GAS2L3: variants seen among roughly 807,000 people sequenced by gnomAD.
The protein encoded by GAS2L3 is GAS2-like protein 3.
In GAS2L3, 28 loss-of-function variants were observed where a neutral mutation model predicts 37.0. That is an observed-to-expected ratio of 0.76 (90% CI 0.56 to 1.04). The LOEUF (loss-of-function observed/expected upper bound fraction) is 1.04. Ranked by LOEUF, GAS2L3 falls within the 50% of genes least tolerant of loss-of-function variation. GAS2L3 has a pLI of 0.00. For synonymous variants in GAS2L3, 290 were observed against 296.6 expected, an observed-to-expected ratio of 0.98 and a Z score of 0.23; for missense variants, 793 against 817.6, an observed-to-expected ratio of 0.97 and a Z score of 0.37.
rs750195901 is a variant in GAS2L3 at position 100,624,375 on chromosome 12, A to G, written c.1570A>G (p.Thr524Ala). 1.4e-5 allele frequency: 23 copies of G among 1,613,822 alleles called. No homozygotes were observed. In the African/African-American group the frequency reaches 2.3e-4, roughly 16 times the overall value. Residue 524 changes from threonine to alanine, a missense_variant, in exon 10 of 10, where the codon ACC becomes GCC. Coordinates refer to ENST00000547754, the MANE Select transcript of GAS2L3 (RefSeq NM_174942.3). ...CCAGTCCTCTGCAAAAATGACAAAAACCAGTTCCAAAACCATAGCCACGGG... is the reference window on the plus strand; with the variant it reads ...CCAGTCCTCTGCAAAAATGACAAAAGCCAGTTCCAAAACCATAGCCACGGG... ...SFQSSAKMTKTSSKTIATGLG... is the reference protein window; with the variant it reads ...SFQSSAKMTKASSKTIATGLG...
rs79681466 is a variant in GAS2L3, at chr12:100,612,361, A to C, written c.445+220A>C. 1.4e-3 allele frequency: 618 copies of C among 449,490 alleles called. 6 individuals are homozygous for C. The highest frequency in any genetic ancestry group is 0.012 in the African/African-American group (558 of 48,400). The allele number at this position is 449,490 out of a possible 1,614,324, so 27.8% of individuals were successfully genotyped here. A position where few individuals can be genotyped will look rare whatever the true frequency, so the allele number is the denominator to read the frequency against. On this transcript the variant is annotated intron_variant, in intron 6 of 9. Transcript: ENST00000547754. ...GATTTTATGTGTCTAGAATGTCCTA[A>C]AATTCTGAATTCCTAAATGAGTTGG... is the stretch of plus-strand genomic sequence containing the variant.
Position 100,627,992 on chromosome 12 carries a change from G to A in GAS2L3, c.*3102G>A, listed in dbSNP as rs1956348103. On this transcript the variant is annotated 3_prime_UTR_variant, in exon 10 of 10. Transcript: ENST00000547754. The stretch of plus-strand genomic sequence containing the variant: ...AGGTTTATGTGTTCAAAATGCCTTG[G>A]TAAATTGGATGACCTCTAACTTTAC... 1.3e-5 allele frequency: 2 copies of A among 152,120 alleles called. No homozygotes were observed. Among genetic ancestry groups the A allele is most frequent in the Non-Finnish European group, 2.9e-5 (2 of 68,024 alleles). The allele number at this position is 152,120 out of a possible 1,614,324, so 9.4% of individuals were successfully genotyped here.
In GAS2L3 at chr12:100,624,231, C is replaced by T; in HGVS notation, c.1426C>T (p.His476Tyr). 1 of 1,613,934 alleles carries T rather than the reference C, an allele frequency of 6.2e-7. No individual in the cohort carries two copies. Among genetic ancestry groups the T allele is most frequent in the Non-Finnish European group, 8.5e-7 (1 of 1,179,916 alleles). The stretch of plus-strand genomic sequence containing the variant: ...AAAAACTCAACCTAAGTATTTGAAA[C>T]ATAATCATATTTCTTCCAGAGATAA... The part of the protein sequence containing the change: ...SGKTQPKYLK[H>Y]NHISSRDNAV... Residue 476 changes from histidine to tyrosine, a missense_variant, in exon 10 of 10, where the codon CAT (histidine) becomes TAT (tyrosine). His to Tyr is a moderately conservative substitution (Grantham distance 83). Coordinates refer to ENST00000547754, the MANE Select transcript of GAS2L3 (RefSeq NM_174942.3).
At chr12:100,579,946 C>T (rs1955689075) in intron 1 of GAS2L3, 2 of 782,396 alleles carry the variant, frequency 2.6e-6, no homozygotes, top group East Asian at 2.4e-5. Flanking sequence ...GACCAAGTAT[C>T]AGTGGAATCT....
intron 5 of GAS2L3, among the ~76,000 whole-genome samples, chr12:100,602,580 A>G (rs1477872274): frequency 6.6e-6 from 1 of 152,032 alleles, no homozygotes; most frequent in African/African-American, 2.4e-5. Context: ...GCAATAAGTA[A>G]TAATCACATC....
In GAS2L3 at chr12:100,624,632, C is replaced by G. The variant is rs752699193; in HGVS notation, c.1827C>G (p.Gly609=). Residue 609 remains glycine, a synonymous_variant, in exon 10 of 10, where the codon GGC becomes GGG. Transcript: ENST00000547754. The part of the protein sequence containing the change: ...KTGPSSLKSP[G]RTPLSIVSLP... ...GACCCAGCTCCTTGAAGTCTCCTGG[C>G]CGTACCCCACTGTCCATCGTGAGCC... 6.2e-7 allele frequency: 1 copy of G among 1,614,064 alleles called. No homozygotes were observed. Among genetic ancestry groups the G allele is most frequent in the South Asian group, 1.1e-5 (1 of 91,078 alleles).
chr12:100,590,449 A>G (rs532183412), intron 1 of GAS2L3, among the ~76,000 whole-genome samples: 2 of 152,242 alleles, frequency 1.3e-5, no homozygotes, highest in Non-Finnish European at 2.9e-5. Context: ...TGAACAAGGA[A>G]CACTTCTACA....
At chr12:100,588,185 T>A (rs775722224) in intron 1 of GAS2L3, among the ~76,000 whole-genome samples, 1 of 152,218 alleles carries the variant, frequency 6.6e-6, no homozygotes, top group Non-Finnish European at 1.5e-5. Flanking sequence ...TTAGAACAGA[T>A]AAAATATTGG....
rs1433398180 is a variant in GAS2L3 at position 100,625,697 on chromosome 12, A to C, written c.*807A>C. 6.6e-6 allele frequency: 1 copy of C among 152,216 alleles called. No homozygotes were observed. Among genetic ancestry groups the C allele is most frequent in the Non-Finnish European group, 1.5e-5 (1 of 68,020 alleles). 9.4% of individuals were successfully genotyped at this position (152,216 alleles called of 1,614,324 possible). ...AAGCTGATTTAGTAGCTTTTAGCAT[A>C]TTAAAAATAATTTTTTATAATGTAA... On this transcript the variant is annotated 3_prime_UTR_variant, in exon 10 of 10. Transcript: ENST00000547754.
Position 100,624,126 on chromosome 12 carries a change from AC to A in GAS2L3, c.1326del (p.Lys443ArgfsTer32), listed in dbSNP as rs1413497735. ...GAGAAAATGTATTTCATCCCCCAAT[AC>A]CCCCAAGGCCAAGGTTATTCCAGCC... ...SPRKCISSPN[T>X]PKAKVIPAQN... On this transcript the variant is annotated frameshift_variant, in exon 10 of 10. Transcript: ENST00000547754. LOFTEE classifies it low-confidence loss of function (END_TRUNC). 1 of 1,613,078 alleles carries A rather than the reference AC, an allele frequency of 6.2e-7. No homozygotes were observed. Among genetic ancestry groups the A allele is most frequent in the Admixed American group, 1.7e-5 (1 of 59,850 alleles).
chr12:100,582,434 G>A (rs1436394568), intron 1 of GAS2L3, among the ~76,000 whole-genome samples: 1 of 152,212 alleles, frequency 6.6e-6, no homozygotes, highest in African/African-American at 2.4e-5. Flanking sequence ...GGGGATATGT[G>A]ATGGCTTAGC....
intron 1 of GAS2L3, among the ~76,000 whole-genome samples, chr12:100,578,012 A>G (rs1490150556): frequency 6.6e-6 from 1 of 152,224 alleles, no homozygotes; most frequent in African/African-American, 2.4e-5. Context: ...ACACTGGGCA[A>G]CCATTAAGGG....
intron 1 of GAS2L3, among the ~76,000 whole-genome samples, chr12:100,586,381 C>G (rs1955781474): frequency 6.6e-6 from 1 of 152,188 alleles, no homozygotes; most frequent in African/African-American, 2.4e-5. Context: ...ATCAAGCACT[C>G]TCTCAGACCA....
intron 1 of GAS2L3, among the ~76,000 whole-genome samples, chr12:100,577,130 G>A (rs1267708387): frequency 2.0e-5 from 3 of 152,104 alleles, no homozygotes; most frequent in Non-Finnish European, 2.9e-5. Flanking sequence ...TACATATACT[G>A]TTCTACAGGT....
rs1432534556 is a variant in GAS2L3 at position 100,628,011 on chromosome 12, A to C, written c.*3121A>C. On this transcript the variant is annotated 3_prime_UTR_variant, in exon 10 of 10. Coordinates refer to ENST00000547754, the MANE Select transcript of GAS2L3 (RefSeq NM_174942.3). Reference sequence around the variant, plus strand: ...GCCTTGGTAAATTGGATGACCTCTAACTTTACTGTCCATATGGAGTTTGTC... The same window carrying C: ...GCCTTGGTAAATTGGATGACCTCTACCTTTACTGTCCATATGGAGTTTGTC... The C allele has an allele frequency of 6.6e-6, 1 of 152,160 alleles. No homozygotes were observed. Among genetic ancestry groups the C allele is most frequent in the East Asian group, 1.9e-4 (1 of 5,192 alleles). The allele number at this position is 152,160 out of a possible 1,614,324, so 9.4% of individuals were successfully genotyped here.
intron 2 of GAS2L3, chr12:100,594,053 G>A (rs918249069): frequency 3.8e-4 from 57 of 151,886 alleles, no homozygotes; most frequent in African/African-American, 1.4e-3. Context: ...GAAAGTAATA[G>A]CATTATAGCT....
chr12:100,599,919 A>G (rs188851700), intron 3 of GAS2L3, among the ~76,000 whole-genome samples: 9 of 152,186 alleles, frequency 5.9e-5, no homozygotes, highest in African/African-American at 2.2e-4. Flanking sequence ...TGACCACAGT[A>G]TTGAATATTG....
Position 100,600,468 on chromosome 12 carries a change from C to CGAT in GAS2L3, c.108_110dup (p.Asp36dup). The CGAT allele has an allele frequency of 1.2e-6, 2 of 1,612,822 alleles. No homozygotes were observed. Among genetic ancestry groups the CGAT allele is most frequent in the Non-Finnish European group, 1.7e-6 (2 of 1,179,038 alleles). On this transcript the variant is annotated inframe_insertion, in exon 4 of 10. Coordinates refer to ENST00000547754, the MANE Select transcript of GAS2L3 (RefSeq NM_174942.3). ...CAGGATTGGCTAATGTTTGTCAGTA[C>CGAT]GATGAGTGGATAGCTGTGAGGCATG...
At chr12:100,591,397 A>G (rs1002801975) in intron 1 of GAS2L3, among the ~76,000 whole-genome samples, 2 of 152,220 alleles carry the variant, frequency 1.3e-5, no homozygotes, top group African/African-American at 4.8e-5. Context: ...TATTTATTCT[A>G]GCAAAGTGAG....
Sources: allele counts gnomAD v4.1 joint callset (sites outside exome capture counted in the v4.1 genomes callset), GRCh38; gene constraint gnomAD v4.1.1; transcripts MANE v1.5; gene names NCBI Gene and HGNC (gene_info 2026-07-23, HGNC 2026-07-21).